DYNC1I1: variants seen among roughly 807,000 people sequenced by gnomAD.
DYNC1I1 encodes dynein cytoplasmic 1 intermediate chain 1.
A neutral mutation model predicts 86.6 loss-of-function variants in DYNC1I1; 43 were observed. That is an observed-to-expected ratio of 0.50 (90% CI 0.39 to 0.64). The LOEUF (loss-of-function observed/expected upper bound fraction) is 0.64. DYNC1I1 is among the 30% of genes least tolerant of loss of function. The probability of loss-of-function intolerance (pLI) is 0.00; values close to 1 mark genes in which losing one functional copy is unlikely to be tolerated. For missense variants in DYNC1I1, 604 were observed against 788.8 expected, an observed-to-expected ratio of 0.77 and a Z score of 2.81; for synonymous variants, 262 against 283.7, an observed-to-expected ratio of 0.92 and a Z score of 0.77.
intron 6 of DYNC1I1, among the ~76,000 whole-genome samples, chr7:95,962,860 C>G (rs1792908486): frequency 1.3e-5 from 2 of 152,144 alleles, no homozygotes; most frequent in African/African-American, 4.8e-5. Flanking sequence ...GGTCATGGCA[C>G]TACTAATTAC....
At chr7:95,773,216 C>T (rs1488636165) in intron 1 of DYNC1I1, among the ~76,000 whole-genome samples, 1 of 152,206 alleles carries the variant, frequency 6.6e-6, no homozygotes, top group African/African-American at 2.4e-5. Flanking sequence ...GATTACATTT[C>T]GAGCTGTCTG....
intron 1 of DYNC1I1, among the ~76,000 whole-genome samples, chr7:95,786,461 T>G (rs902863487): frequency 9.2e-5 from 14 of 152,226 alleles, no homozygotes; most frequent in African/African-American, 3.4e-4. Context: ...GTTAGTGTTT[T>G]CAGACCCTCC....
intron 6 of DYNC1I1, among the ~76,000 whole-genome samples, chr7:95,923,583 A>C (rs959363994): frequency 6.6e-6 from 1 of 152,068 alleles, no homozygotes; most frequent in African/African-American, 2.4e-5. Flanking sequence ...ATTATTACTA[A>C]ATTATAGGTT....
chr7:95,800,630 G>A (rs528969371), intron 1 of DYNC1I1, among the ~76,000 whole-genome samples: 4 of 152,322 alleles, frequency 2.6e-5, no homozygotes, highest in African/African-American at 9.6e-5. Flanking sequence ...GAAGCCGAGA[G>A]TTGGCTGGTG....
intron 6 of DYNC1I1, among the ~76,000 whole-genome samples, chr7:95,972,424 C>T (rs912562364): frequency 1.3e-5 from 2 of 152,066 alleles, no homozygotes; most frequent in African/African-American, 2.4e-5. Flanking sequence ...GAGTTAGGAG[C>T]GACCAGTCTG....
At chr7:95,895,590 TTG>T (rs1482296922) in intron 6 of DYNC1I1, among the ~76,000 whole-genome samples, 3 of 152,206 alleles carry the variant, frequency 2.0e-5, no homozygotes, top group African/African-American at 7.2e-5. Context: ...GTTGTTGATG[TTG>T]TGAGTTGTCT....
At chr7:95,780,909 C>T (rs1212658233) in intron 1 of DYNC1I1, among the ~76,000 whole-genome samples, 1 of 151,994 alleles carries the variant, frequency 6.6e-6, no homozygotes, top group Non-Finnish European at 1.5e-5. Context: ...TTAAAACGAC[C>T]GTGCGTCTAC....
At chr7:96,108,497 G>T (rs535308510) in intron 16 of DYNC1I1, among the ~76,000 whole-genome samples, 1 of 152,068 alleles carries the variant, frequency 6.6e-6, no homozygotes, top group African/African-American at 2.4e-5. Context: ...TAAGATTTTT[G>T]CAGAATTTTC....
chr7:96,041,044 C>T (rs925918862), intron 14 of DYNC1I1, among the ~76,000 whole-genome samples: 13 of 151,930 alleles, frequency 8.6e-5, no homozygotes, highest in African/African-American at 2.4e-5. Flanking sequence ...TTAAAAGAAA[C>T]ACTAACATGC....
chr7:95,929,490 G>T (rs1791833522), intron 6 of DYNC1I1, among the ~76,000 whole-genome samples: 1 of 152,198 alleles, frequency 6.6e-6, no homozygotes, highest in Non-Finnish European at 1.5e-5. Flanking sequence ...AGCCTGGAAA[G>T]TATGCTGCTC....
intron 10 of DYNC1I1, among the ~76,000 whole-genome samples, chr7:96,005,588 C>T (rs927672302): frequency 6.6e-6 from 1 of 152,192 alleles, no homozygotes; most frequent in African/African-American, 2.4e-5. Context: ...ATCCCATCCT[C>T]TGATCCCACA....
At position 95,867,055 on chromosome 7, in the gene DYNC1I1, G is replaced by T. The variant is rs117993593; in HGVS notation, c.375-2828G>T. ...AAACAGATGTTTCAAAGGAAAAGAA[G>T]TTAAGGAAAAGCAAATGAACTCTCC... is the stretch of plus-strand genomic sequence containing the variant. On this transcript the variant is annotated intron_variant, in intron 5 of 16. Transcript: ENST00000447467. 6.3e-3 allele frequency among the ~76,000 whole-genome samples: 952 copies of T among 152,284 alleles called. 19 individuals are homozygous for T. Among genetic ancestry groups the T allele is most frequent in the East Asian group, 0.027 (141 of 5,190 alleles).
chr7:95,890,058 C>A (rs998000233), intron 6 of DYNC1I1, among the ~76,000 whole-genome samples: 1 of 152,158 alleles, frequency 6.6e-6, no homozygotes, highest in Non-Finnish European at 1.5e-5. Flanking sequence ...TAGCGAAAAA[C>A]AGAACTACCA....
chr7:95,837,204 C>T (rs1349585385), intron 5 of DYNC1I1, among the ~76,000 whole-genome samples: 1 of 151,864 alleles, frequency 6.6e-6, no homozygotes, highest in Non-Finnish European at 1.5e-5. Flanking sequence ...CCCTCAGCTG[C>T]AGGTCTGTTG....
intron 10 of DYNC1I1, among the ~76,000 whole-genome samples, chr7:96,007,881 G>A (rs1158990199): frequency 6.6e-6 from 1 of 152,068 alleles, no homozygotes; most frequent in Admixed American, 6.6e-5. Context: ...GTTTATTTGG[G>A]GACTGAATTC....
At chr7:95,805,093 A>C (rs887898103) in intron 2 of DYNC1I1, among the ~76,000 whole-genome samples, 2 of 152,298 alleles carry the variant, frequency 1.3e-5, no homozygotes, top group Non-Finnish European at 2.9e-5. Flanking sequence ...AGACTTGAAG[A>C]GAACTCTAAG....
intron 14 of DYNC1I1, among the ~76,000 whole-genome samples, chr7:96,058,800 ATTTTTTTT>A (rs35348142): frequency 1.5e-4 from 15 of 98,752 alleles, no homozygotes; most frequent in Admixed American, 9.3e-4. Context: ...TGCCTGGCTA[ATTTTTTTT>A]TTTTTTTTTT....
At position 95,792,708 on chromosome 7, in the gene DYNC1I1, G is replaced by A. The variant is rs78435852; in HGVS notation, c.-9-12013G>A. On this transcript the variant is annotated intron_variant, in intron 1 of 16. Coordinates refer to ENST00000447467, the MANE Select transcript of DYNC1I1 (RefSeq NM_001135556.2). ...CCTTCTAATCTGTCTTTCATTACAG[G>A]AGTCTCAGCCAATGAACCTAAGATA... is the stretch of plus-strand genomic sequence containing the variant. Among the ~76,000 whole-genome samples, 866 of 152,212 alleles carry A rather than the reference G, an allele frequency of 5.7e-3. 16 individuals are homozygous for A. Among genetic ancestry groups the A allele is most frequent in the African/African-American group, 0.02 (836 of 41,520 alleles).
At chr7:96,002,894 C>T (rs1005373055) in intron 10 of DYNC1I1, among the ~76,000 whole-genome samples, 4 of 151,486 alleles carry the variant, frequency 2.6e-5, no homozygotes, top group Admixed American at 6.6e-5. Flanking sequence ...ATGAGGCTGG[C>T]GTACAGCAGC....
Sources: allele counts gnomAD v4.1 joint callset (sites outside exome capture counted in the v4.1 genomes callset), GRCh38; gene constraint gnomAD v4.1.1; transcripts MANE v1.5; gene names NCBI Gene and HGNC (gene_info 2026-07-23, HGNC 2026-07-21).